The following FOXP2 variants were observed in gnomAD, a reference collection of about 807,000 sequenced individuals.
The protein encoded by FOXP2 is forkhead box protein P2.
Under a neutral mutation model 115.8 loss-of-function variants are expected in FOXP2, and 12 were observed. The ratio of observed to expected loss-of-function variants is 0.10; its 90% CI spans 0.07 to 0.17. The LOEUF (loss-of-function observed/expected upper bound fraction) is 0.17. FOXP2 is among the 10% of genes least tolerant of loss of function. FOXP2 has a pLI of 1.00. For missense variants in FOXP2, 629 were observed against 843.5 expected (o/e 0.75, Z 3.15); for synonymous variants, 328 against 297.7 (o/e 1.10, Z -1.05).
intron 2 of FOXP2, among the ~76,000 whole-genome samples, chr7:114,521,298 T>C (rs184044701): frequency 2.6e-4 from 40 of 152,166 alleles, no homozygotes; most frequent in Middle Eastern, 3.4e-3. Flanking sequence ...TAACAAAATA[T>C]CCATTATGTG....
chr7:114,415,837 C>G, intron 1 of FOXP2, among the ~76,000 whole-genome samples: 1 of 151,908 alleles, frequency 6.6e-6, no homozygotes, highest in East Asian at 1.9e-4. Flanking sequence ...AGGGGAAACT[C>G]TTTTTGCTAA....
intron 2 of FOXP2, among the ~76,000 whole-genome samples, chr7:114,463,546 G>A (rs1023065424): frequency 1.3e-5 from 2 of 152,268 alleles, no homozygotes; most frequent in East Asian, 3.9e-4. Flanking sequence ...AAATGTATTT[G>A]ATTATAAGTG....
intron 3 of FOXP2, among the ~76,000 whole-genome samples, chr7:114,593,227 T>G (rs1802526731): frequency 1.3e-5 from 2 of 150,802 alleles, no homozygotes; most frequent in African/African-American, 5.0e-5. Flanking sequence ...GTAGAAAGTA[T>G]AGATAAGCAA....
chr7:114,629,487 A>G (rs1257115358), intron 4 of FOXP2: 5 of 955,368 alleles, frequency 5.2e-6, no homozygotes, highest in Non-Finnish European at 7.9e-6. Flanking sequence ...CTGGTAGAGT[A>G]TAGCCTAGTT....
At chr7:114,618,130 A>G (rs1804048634) in intron 3 of FOXP2, among the ~76,000 whole-genome samples, 1 of 152,102 alleles carries the variant, frequency 6.6e-6, no homozygotes, top group East Asian at 1.9e-4. Flanking sequence ...TTCTCCTATC[A>G]TGACCCATGC....
chr7:114,413,909 G>C (rs943307129), upstream of FOXP2, among the ~76,000 whole-genome samples: 2 of 152,070 alleles, frequency 1.3e-5, no homozygotes, highest in Non-Finnish European at 2.9e-5. Flanking sequence ...TGTAGGTGGG[G>C]TGCTGTTAAA....
chr7:114,644,697 G>A lies in FOXP2; in HGVS notation c.1002G>A (p.Glu334=), dbSNP rs1321693603. The A allele has an allele frequency of 8.7e-6, 14 of 1,613,686 alleles. No homozygotes were observed. The highest frequency in any genetic ancestry group is 1.1e-5 in the South Asian group (1 of 91,082). The part of the protein sequence containing the change: ...LSARRDSSSH[E]ETGASHTLYG... ...TCTTTTGCTACAGCTCGTCACATGA[G>A]GAGACTGGGGCCTCTCACACTCTCT... Residue 334 remains glutamate, a synonymous_variant, in exon 8 of 17, where the codon GAG becomes GAA. Transcript: ENST00000350908.
intron 2 of FOXP2, among the ~76,000 whole-genome samples, chr7:114,469,937 ACAT>A (rs1264894740): frequency 6.6e-6 from 1 of 152,186 alleles, no homozygotes; most frequent in African/African-American, 2.4e-5. Context: ...TGTTATTATC[ACAT>A]CATACTTACG....
chr7:114,636,496 G>A (rs1218422514), intron 6 of FOXP2, among the ~76,000 whole-genome samples: 2 of 151,974 alleles, frequency 1.3e-5, no homozygotes, highest in Non-Finnish European at 1.5e-5. Context: ...AAAATAAGTA[G>A]CGTATCACTA....
intron 2 of FOXP2, among the ~76,000 whole-genome samples, chr7:114,436,629 A>C (rs774955355): frequency 6.6e-6 from 1 of 151,802 alleles, no homozygotes; most frequent in Admixed American, 6.6e-5. Flanking sequence ...CCTTCATAAA[A>C]CTTAACTGTC....
intron 1 of FOXP2, among the ~76,000 whole-genome samples, chr7:114,180,341 C>T (rs1006432608): frequency 1.3e-5 from 2 of 151,794 alleles, no homozygotes; most frequent in African/African-American, 2.4e-5. Flanking sequence ...CCTTTTTCTG[C>T]CCATCTCATA....
chr7:114,470,808 C>T (rs1796010792), intron 2 of FOXP2, among the ~76,000 whole-genome samples: 1 of 152,070 alleles, frequency 6.6e-6, no homozygotes, highest in Non-Finnish European at 1.5e-5. Flanking sequence ...CATCCTCCTT[C>T]TCCATGTTTT....
chr7:114,197,578 C>T (rs574673548), intron 1 of FOXP2, among the ~76,000 whole-genome samples: 6 of 152,236 alleles, frequency 3.9e-5, no homozygotes, highest in South Asian at 2.1e-4. Context: ...TTTCAACTTG[C>T]GACTTTTGAG....
At chr7:114,259,188 A>G (rs1795688452) in intron 1 of FOXP2, among the ~76,000 whole-genome samples, 1 of 152,222 alleles carries the variant, frequency 6.6e-6, no homozygotes, top group Non-Finnish European at 1.5e-5. Context: ...GGAAGAATAC[A>G]AATGAGGTGC....
intron 8 of FOXP2, among the ~76,000 whole-genome samples, chr7:114,651,526 T>C (rs985411702): frequency 4.6e-5 from 7 of 152,124 alleles, no homozygotes; most frequent in Non-Finnish European, 2.9e-5. Context: ...GGTAGACTAA[T>C]GCATATTCAA....
At chr7:114,384,498 C>G (rs1224980327) in intron 2 of FOXP2, among the ~76,000 whole-genome samples, 1 of 152,108 alleles carries the variant, frequency 6.6e-6, no homozygotes, top group African/African-American at 2.4e-5. Context: ...GTCTCCGTAT[C>G]AATGACTGAA....
chr7:114,193,077 T>A (rs1793806061), intron 1 of FOXP2, among the ~76,000 whole-genome samples: 1 of 152,136 alleles, frequency 6.6e-6, no homozygotes, highest in African/African-American at 2.4e-5. Flanking sequence ...AGTAGATATT[T>A]TATAATATCA....
At chr7:114,355,512 C>G (rs1584661542) in intron 2 of FOXP2, among the ~76,000 whole-genome samples, 1 of 152,100 alleles carries the variant, frequency 6.6e-6, no homozygotes, top group East Asian at 1.9e-4. Flanking sequence ...TCTCTGAAGA[C>G]TTTTCCTGTT....
rs1445779721 is a variant in FOXP2 at position 114,658,256 on chromosome 7, C to A, written c.1457C>A (p.Pro486His). Residue 486 changes from proline to histidine, a missense_variant, in exon 11 of 17, where the codon CCC (proline) becomes CAC (histidine). Pro to His is a moderately conservative substitution (Grantham distance 77, BLOSUM62 -2). Transcript: ENST00000350908. ...CGACATTCAGACAAATACAACATTC[C>A]CATGTCATCAGGTAGGATATGAATG... ...RRRHSDKYNI[P>H]MSSEIAPNYE... 1.2e-6 allele frequency: 2 copies of A among 1,613,694 alleles called. No individual in the cohort carries two copies. Among genetic ancestry groups the A allele is most frequent in the Non-Finnish European group, 1.7e-6 (2 of 1,179,782 alleles).
Sources: gnomAD v4.1 joint callset for allele counts (sites outside exome capture counted in the v4.1 genomes callset) on GRCh38, gnomAD v4.1.1 for gene constraint, MANE v1.5 for transcripts, NCBI Gene and HGNC (gene_info 2026-07-23, HGNC 2026-07-21) for gene names.